The following STK32B variants were observed in gnomAD, a reference collection of about 807,000 sequenced individuals.
STK32B encodes serine/threonine kinase 32B, also known as serine/threonine-protein kinase 32B.
STK32B carries 43 observed loss-of-function variants against 52.6 expected under a neutral mutation model. The observed-to-expected ratio is 0.82, with a 90% CI of 0.64 to 1.05. The LOEUF (loss-of-function observed/expected upper bound fraction) is 1.05. Ranked by LOEUF, STK32B falls within the 50% of genes least tolerant of loss-of-function variation. The pLI, the probability that STK32B is intolerant of heterozygous loss-of-function variation, is 0.00. For synonymous variants in STK32B, 238 were observed against 204.3 expected (o/e 1.17, Z -1.41); for missense variants, 621 against 534.6 (o/e 1.16, Z -1.59).
chr4:5,368,940 T>C (rs1735050162), intron 4 of STK32B, among the ~76,000 whole-genome samples: 1 of 152,144 alleles, frequency 6.6e-6, no homozygotes, highest in Non-Finnish European at 1.5e-5. Context: ...GCTACTGTCC[T>C]CCAGCAGCTG....
At chr4:5,295,589 A>G (rs1729145572) in intron 3 of STK32B, among the ~76,000 whole-genome samples, 3 of 151,992 alleles carry the variant, frequency 2.0e-5, no homozygotes, top group Admixed American at 2.0e-4. Context: ...CTCTGATGGT[A>G]GTTTGTATTT....
chr4:5,021,110 C>T, the STK32B span, among the ~76,000 whole-genome samples: 5 of 152,200 alleles, frequency 3.3e-5, no homozygotes, highest in South Asian at 4.1e-4. Context: ...GGATGAAGCC[C>T]GGCTCCAGCT....
chr4:5,441,294 G>T (rs906566914), intron 6 of STK32B, among the ~76,000 whole-genome samples: 2 of 151,760 alleles, frequency 1.3e-5, no homozygotes, highest in African/African-American at 4.8e-5. Flanking sequence ...CCTGTTATTG[G>T]TCTATTCAGA....
intron 3 of STK32B, among the ~76,000 whole-genome samples, chr4:5,176,706 A>T (rs1719932816): frequency 6.6e-6 from 1 of 152,074 alleles, no homozygotes; most frequent in South Asian, 2.1e-4. Context: ...AGCCTCCCAA[A>T]GTACTGGGAT....
At chr4:5,072,200 CTCTG>C (rs775377202) in intron 1 of STK32B, among the ~76,000 whole-genome samples, 115 of 152,264 alleles carry the variant, frequency 7.6e-4, no homozygotes, top group Non-Finnish European at 1.4e-3. Flanking sequence ...ACACTGACAA[CTCTG>C]TCTTTGTTGT....
chr4:5,304,990 T>G (rs1225152141), intron 3 of STK32B, among the ~76,000 whole-genome samples: 2 of 152,182 alleles, frequency 1.3e-5, no homozygotes, highest in Non-Finnish European at 2.9e-5. Flanking sequence ...TGTATCACAT[T>G]TATTGACTTA....
intron 11 of STK32B, among the ~76,000 whole-genome samples, chr4:5,477,482 T>A (rs1560446827): frequency 6.6e-6 from 1 of 152,152 alleles, no homozygotes; most frequent in Non-Finnish European, 1.5e-5. Flanking sequence ...AGTCCATTAT[T>A]CACCACCCAC....
Position 5,150,686 on chromosome 4 carries a change from T to G in STK32B, c.108+10726T>G, listed in dbSNP as rs1374954965. Among the ~76,000 whole-genome samples the G allele has an allele frequency of 2.6e-5, 4 of 151,898 alleles. No individual in the cohort carries two copies. In the South Asian group the frequency reaches 6.2e-4, roughly 24 times the overall value. ...TACCACATTTGAGGCTCCACTTGGA[T>G]TTCTCCTCTTGGATACTCTTGGAGT... On this transcript the variant is annotated intron_variant, in intron 2 of 11. Transcript: ENST00000282908.
rs550461340 is a variant in STK32B, at chr4:5,314,163, T to A, written c.261-17057T>A. On this transcript the variant is annotated intron_variant, in intron 3 of 11. Transcript: ENST00000282908. ...GGAGTCAGCCTACTCAATGTTAAGT[T>A]TTATTATGTAACTGTAGTAATCAAG... is the stretch of plus-strand genomic sequence containing the variant. 2.0e-5 allele frequency among the ~76,000 whole-genome samples: 3 copies of A among 152,200 alleles called. No homozygotes were observed. In the East Asian group the frequency reaches 5.8e-4, roughly 29 times the overall value.
intron 3 of STK32B, among the ~76,000 whole-genome samples, chr4:5,180,980 G>C (rs369079019): frequency 1.8e-4 from 28 of 152,136 alleles, no homozygotes; most frequent in African/African-American, 6.8e-4. Flanking sequence ...GGAAAGAAAA[G>C]CTGCACCCCA....
chr4:5,348,223 C>T (rs568229304), intron 4 of STK32B, among the ~76,000 whole-genome samples: 4 of 152,282 alleles, frequency 2.6e-5, no homozygotes, highest in African/African-American at 7.2e-5. Flanking sequence ...GGGAGAGCCC[C>T]TCAATCTTTC....
chr4:5,094,055 A>G (rs999352726), intron 1 of STK32B, among the ~76,000 whole-genome samples: 5 of 152,228 alleles, frequency 3.3e-5, no homozygotes, highest in Non-Finnish European at 7.3e-5. Context: ...CTACACTGGC[A>G]GGCATGAAAA....
intron 4 of STK32B, among the ~76,000 whole-genome samples, chr4:5,352,441 C>A (rs1471667596): frequency 1.3e-5 from 2 of 151,610 alleles, no homozygotes; most frequent in African/African-American, 4.8e-5. Flanking sequence ...GAAGAAACAT[C>A]CCTCAACAAA....
Position 5,386,310 on chromosome 4 carries a change from G to A in STK32B, c.435-11897G>A, listed in dbSNP as rs1736253996. Among the ~76,000 whole-genome samples the A allele has an allele frequency of 6.6e-6, 1 of 152,050 alleles. No individual in the cohort carries two copies. The highest frequency in any genetic ancestry group is 1.5e-5 in the Non-Finnish European group (1 of 68,024). ...AGGCAGGTCTCAGTAAGTATATGTT[G>A]AATGCTGGAAAGAGCTCCCGGCTGG... On this transcript the variant is annotated intron_variant, in intron 4 of 11. Transcript: ENST00000282908. The surrounding 1 kb of genome is among the most constrained non-coding windows in gnomAD (Gnocchi z 4.5).
chr4:5,227,349 A>G (rs934762158), intron 3 of STK32B, among the ~76,000 whole-genome samples: 1 of 152,242 alleles, frequency 6.6e-6, no homozygotes, highest in African/African-American at 2.4e-5. Context: ...AACACAATAT[A>G]TTAGTAATTT....
intron 4 of STK32B, among the ~76,000 whole-genome samples, chr4:5,365,111 G>A (rs552417240): frequency 6.8e-4 from 103 of 152,118 alleles, no homozygotes; most frequent in African/African-American, 2.4e-3. Context: ...CCTGACCTCA[G>A]GTGATCCACC....
chr4:5,171,693 C>T (rs1193932183), intron 3 of STK32B, among the ~76,000 whole-genome samples: 1 of 144,210 alleles, frequency 6.9e-6, no homozygotes, highest in African/African-American at 2.4e-5. Flanking sequence ...CAGTTGCATT[C>T]TGTCTTGGTT....
intron 3 of STK32B, among the ~76,000 whole-genome samples, chr4:5,194,113 TTTCA>T (rs1721453403): frequency 6.6e-6 from 1 of 152,210 alleles, no homozygotes; most frequent in Non-Finnish European, 1.5e-5. Flanking sequence ...GCCTGTTTGA[TTTCA>T]GCACAGCCCC....
intron 11 of STK32B, 48 bp from the exon 12 acceptor site, chr4:5,498,897 C>T (rs778009872): frequency 6.4e-7 from 1 of 1,559,922 alleles, no homozygotes. Flanking sequence ...GGATGTGCCT[C>T]CACAACCCCA....
Sources: gnomAD v4.1 joint callset for allele counts (sites outside exome capture counted in the v4.1 genomes callset) on GRCh38, gnomAD v4.1.1 for gene constraint, Gnocchi (gnomAD v3.1) non-coding constraint, MANE v1.5 for transcripts, NCBI Gene and HGNC (gene_info 2026-07-23, HGNC 2026-07-21) for gene names.